Variants in WDR1 observed in about 807,000 individuals in gnomAD.
WDR1 encodes WD repeat-containing protein 1.
In WDR1, 21 loss-of-function variants were observed where a neutral mutation model predicts 71.9. That is an observed-to-expected ratio of 0.29 (90% CI 0.21 to 0.42). The LOEUF (loss-of-function observed/expected upper bound fraction) is 0.42, where lower values mean the gene tolerates loss of function less well. Among genes scored for constraint, WDR1 ranks in the 10% least tolerant of loss-of-function variants. The pLI is 1.00. For missense variants in WDR1, 696 were observed against 824.5 expected (o/e 0.84, Z 1.91); for synonymous variants, 424 against 347.4 (o/e 1.22, Z -2.45).
Position 10,116,745 on chromosome 4 carries a change from G to A in WDR1, c.-79C>T. 1 of 1,266,392 alleles carries A rather than the reference G, an allele frequency of 7.9e-7. No individual in the cohort carries two copies. Among genetic ancestry groups the A allele is most frequent in the Non-Finnish European group, 1.0e-6 (1 of 1,003,072 alleles). 78.4% of individuals were successfully genotyped at this position (1,266,392 alleles called of 1,614,324 possible). Reference sequence around the variant, plus strand: ...GCGCTGCGAATTACACCTCGCCGAGGCCGAGCCCGGGGACTGGAGCCGGAA... The same window carrying A: ...GCGCTGCGAATTACACCTCGCCGAGACCGAGCCCGGGGACTGGAGCCGGAA... On this transcript the variant is annotated 5_prime_UTR_variant, in exon 1 of 15. Coordinates refer to ENST00000499869, the MANE Select transcript of WDR1 (RefSeq NM_017491.5).
intron 5 of WDR1, among the ~76,000 whole-genome samples, chr4:10,097,475 C>A (rs145840578): frequency 0.011 from 1,641 of 152,360 alleles, 20 homozygotes; most frequent in South Asian, 0.025. Context: ...CACACATCAT[C>A]CTAGGGCAGG....
intron 4 of WDR1, 73 bp downstream of exon 4, chr4:10,098,919 C>G: frequency 6.3e-7 from 1 of 1,596,080 alleles, no homozygotes; most frequent in African/African-American, 1.3e-5. Flanking sequence ...GCGCATCCCC[C>G]TCCCAGGGTC....
intron 5 of WDR1, among the ~76,000 whole-genome samples, chr4:10,089,092 G>GT (rs1210248618): frequency 1.3e-5 from 2 of 152,116 alleles, no homozygotes; most frequent in Non-Finnish European, 2.9e-5. Flanking sequence ...TAAGCTTCAC[G>GT]ATGGCTGAGA....
chr4:10,109,033 T>A (rs1186190240), intron 2 of WDR1, among the ~76,000 whole-genome samples: 6 of 152,284 alleles, frequency 3.9e-5, no homozygotes, highest in African/African-American at 1.4e-4. Flanking sequence ...GCCTGGTAGC[T>A]GTTTATCAAG....
At position 10,077,455 on chromosome 4, in the gene WDR1, G is replaced by A. The variant is rs773328302; in HGVS notation, c.1570-7C>T. 6.2e-7 allele frequency: 1 copy of A among 1,613,960 alleles called. No homozygotes were observed. Among genetic ancestry groups the A allele is most frequent in the Non-Finnish European group, 8.5e-7 (1 of 1,179,856 alleles). On this transcript the variant is annotated splice_polypyrimidine_tract_variant and splice_region_variant and intron_variant, in intron 13 of 14. Transcript: ENST00000499869. ...CATAAAAAACATTGTTCTCCTAGTT[G>A]CAGGTTGAAAACAAGAGAGGTGGCA... is the stretch of plus-strand genomic sequence containing the variant.
At chr4:10,113,179 C>A (rs565404144) in intron 2 of WDR1, among the ~76,000 whole-genome samples, 1 of 152,080 alleles carries the variant, frequency 6.6e-6, no homozygotes, top group Non-Finnish European at 1.5e-5. Flanking sequence ...GCCAACACGG[C>A]GAAACCCCGT....
At chr4:10,111,146 G>A (rs1214052715) in intron 2 of WDR1, among the ~76,000 whole-genome samples, 1 of 152,204 alleles carries the variant, frequency 6.6e-6, no homozygotes, top group African/African-American at 2.4e-5. Context: ...TTACTTGTCT[G>A]TGAGACCTCT....
At chr4:10,098,812 T>G (rs1712513655) in intron 4 of WDR1, among the ~76,000 whole-genome samples, 180 bp downstream of exon 4, 2 of 152,178 alleles carry the variant, frequency 1.3e-5, no homozygotes, top group African/African-American at 4.8e-5. Flanking sequence ...CAGTGTGATG[T>G]GGAGTTCTAC....
In WDR1 at chr4:10,094,143, C is replaced by G. The variant is rs1006958345; in HGVS notation, c.558+3568G>C. ...CACCTACAATCACAGCTTGTTAGAT[C>G]TGGCAGTGAGTTCTCAGTTCTGCAT... is the stretch of plus-strand genomic sequence containing the variant. On this transcript the variant is annotated intron_variant, in intron 5 of 14. Transcript: ENST00000499869. 3.3e-5 allele frequency among the ~76,000 whole-genome samples: 5 copies of G among 152,224 alleles called. No homozygotes were observed. In the South Asian group the frequency reaches 1.0e-3, roughly 31 times the overall value.
chr4:10,091,355 G>T (rs943562199), intron 5 of WDR1, among the ~76,000 whole-genome samples: 2 of 152,232 alleles, frequency 1.3e-5, no homozygotes, highest in Non-Finnish European at 2.9e-5. Context: ...AGTTTCCCCA[G>T]AAGGCCCGAT....
In WDR1 at chr4:10,075,509, C is replaced by A. The variant is rs114370216; in HGVS notation, c.1715-25G>T. 518 of 1,608,826 alleles carry A rather than the reference C, an allele frequency of 3.2e-4. 1 individual carries two copies. In the African/African-American group the frequency reaches 6.1e-3, roughly 19 times the overall value. On this transcript the variant is annotated intron_variant, in intron 14 of 14. Coordinates refer to ENST00000499869, the MANE Select transcript of WDR1 (RefSeq NM_017491.5). Reference sequence around the variant, plus strand: ...TCTGGGAAGAAAGGGTGCAATTTAACGAAAAGCCAAACTTCTCTGCAACTA... The same window carrying A: ...TCTGGGAAGAAAGGGTGCAATTTAAAGAAAAGCCAAACTTCTCTGCAACTA...
At chr4:10,082,276 A>G (rs183880534) in intron 10 of WDR1, among the ~76,000 whole-genome samples, 5 of 152,220 alleles carry the variant, frequency 3.3e-5, no homozygotes, top group Admixed American at 2.6e-4. Flanking sequence ...TGCGTGCTGC[A>G]CCCTGTGCCA....
chr4:10,090,723 T>C (rs1046944239), intron 5 of WDR1, among the ~76,000 whole-genome samples: 7 of 152,260 alleles, frequency 4.6e-5, no homozygotes, highest in African/African-American at 1.2e-4. Flanking sequence ...TCCCACCTCA[T>C]TGACCCGTGT....
chr4:10,076,601 T>TC (rs1764805083), intron 14 of WDR1: 1 of 152,358 alleles, frequency 6.6e-6, no homozygotes, highest in Admixed American at 6.5e-5. Context: ...CGGGCTGCCT[T>TC]CCCTCTTTGC....
intron 5 of WDR1, among the ~76,000 whole-genome samples, chr4:10,090,597 C>T (rs968939854): frequency 1.3e-5 from 2 of 152,230 alleles, no homozygotes; most frequent in Non-Finnish European, 2.9e-5. Context: ...AGCCAACAAC[C>T]CAAACTTGCT....
chr4:10,080,084 T>A (rs1450378241), intron 11 of WDR1, among the ~76,000 whole-genome samples: 2 of 152,122 alleles, frequency 1.3e-5, no homozygotes, highest in Non-Finnish European at 2.9e-5. Flanking sequence ...AAATGCCACA[T>A]GAGGAGGTGC....
intron 5 of WDR1, among the ~76,000 whole-genome samples, chr4:10,097,461 C>A (rs1712412096): frequency 6.6e-6 from 1 of 152,256 alleles, no homozygotes; most frequent in Non-Finnish European, 1.5e-5. Context: ...CAATCCCCGA[C>A]AGGCACACAT....
intron 5 of WDR1, 77 bp from the exon 6 acceptor site, chr4:10,088,818 C>T (rs1711774785): frequency 1.4e-5 from 15 of 1,096,098 alleles, no homozygotes; most frequent in East Asian, 2.6e-5. Flanking sequence ...CTATGAAACA[C>T]AGCTTGCAGC....
chr4:10,108,428 G>C (rs1188362836), intron 2 of WDR1: 1 of 152,186 alleles, frequency 6.6e-6, no homozygotes, highest in Non-Finnish European at 1.5e-5. Flanking sequence ...AGCAGATGAC[G>C]ACACAACACT....
Sources: allele counts gnomAD v4.1 joint callset (sites outside exome capture counted in the v4.1 genomes callset), GRCh38; gene constraint gnomAD v4.1.1; transcripts MANE v1.5; gene names NCBI Gene and HGNC (gene_info 2026-07-23, HGNC 2026-07-21).